The following GLB1 variants were observed in gnomAD, a reference collection of about 807,000 sequenced individuals.
GLB1 encodes galactosidase beta 1, also known as beta-galactosidase.
A neutral mutation model predicts 74.0 loss-of-function variants in GLB1; 56 were observed. The ratio of observed to expected loss-of-function variants is 0.76; its 90% CI spans 0.61 to 0.94. The LOEUF is 0.94. Among genes scored for constraint, GLB1 ranks in the 40% least tolerant of loss-of-function variants. GLB1 has a pLI of 0.00. For missense variants in GLB1, 787 were observed against 845.5 expected (o/e 0.93, Z 0.86); for synonymous variants, 323 against 323.6 (o/e 1.00, Z 0.02).
intron 1 of GLB1, chr3:33,090,387 AC>A: frequency 1.0e-6 from 1 of 985,398 alleles, no homozygotes; most frequent in Middle Eastern, 5.2e-4. Context: ...AACAAACCAA[AC>A]AAAACACGAG....
At chr3:32,968,405 C>A in the GLB1 span, among the ~76,000 whole-genome samples, 1 of 152,200 alleles carries the variant, frequency 6.6e-6, no homozygotes, top group East Asian at 1.9e-4. Context: ...CCCAAGACCC[C>A]CTGCACCTGC....
chr3:33,045,860 A>G, intron 10 of GLB1: 1 of 884,870 alleles, frequency 1.1e-6, no homozygotes, highest in Non-Finnish European at 1.5e-6. Flanking sequence ...GTGAATCTGT[A>G]AGTAGCATTT....
chr3:32,973,393 G>C, the GLB1 span, among the ~76,000 whole-genome samples: 20 of 152,138 alleles, frequency 1.3e-4, no homozygotes, highest in Admixed American at 4.6e-4. Context: ...GTGTGCAGTG[G>C]TGCAATCTTG....
At chr3:32,961,575 G>C in the GLB1 span, among the ~76,000 whole-genome samples, 1 of 152,206 alleles carries the variant, frequency 6.6e-6, no homozygotes, top group South Asian at 2.1e-4. Flanking sequence ...AGAGCCATCG[G>C]GTTGTGAAGA....
At chr3:33,034,036 T>C (rs1319207538) in intron 10 of GLB1, 1 of 546,626 alleles carries the variant, frequency 1.8e-6, no homozygotes, top group African/African-American at 1.9e-5. Context: ...GTCATGAGAG[T>C]CCTATGTGGC....
Position 32,997,098 on chromosome 3 carries a change from G to C in GLB1, c.1981C>G (p.Leu661Val). Residue 661 changes from leucine to valine, a missense_variant, in exon 16 of 16, where the codon CTC becomes GTC. By Grantham distance (32) the Leu-to-Val change is conservative. Transcript: ENST00000307363. Reference protein sequence around the residue: ...DHPSKPVEKRLMPPPPQKNKD... With the variant: ...DHPSKPVEKRVMPPPPQKNKD... The stretch of plus-strand genomic sequence containing the variant: ...TTTTTTTGCGGGGGTGGGGGCATGA[G>C]TCTTTTTTCAACAGGTTTGGAGGGA... 1 of 1,614,142 alleles carries C rather than the reference G, an allele frequency of 6.2e-7. No individual in the cohort carries two copies. Among genetic ancestry groups the C allele is most frequent in the South Asian group, 1.1e-5 (1 of 91,084 alleles).
At chr3:32,974,774 T>C in the GLB1 span, among the ~76,000 whole-genome samples, 1 of 152,192 alleles carries the variant, frequency 6.6e-6, no homozygotes. Context: ...AGGAGTCCCC[T>C]CTTACTTACG....
chr3:33,041,216 G>A (rs1698484839), intron 10 of GLB1, among the ~76,000 whole-genome samples: 1 of 152,140 alleles, frequency 6.6e-6, no homozygotes. Context: ...AAACTATACA[G>A]CGTCAAATAT....
chr3:33,091,446 C>T (rs1700758584), intron 1 of GLB1: 8 of 985,556 alleles, frequency 8.1e-6, no homozygotes, highest in Non-Finnish European at 9.6e-6. Flanking sequence ...AGGCAGCTCG[C>T]TACCCACTCA....
the GLB1 span, among the ~76,000 whole-genome samples, chr3:32,986,649 G>A: frequency 6.6e-6 from 1 of 150,916 alleles, no homozygotes; most frequent in African/African-American, 2.4e-5. Flanking sequence ...GGAGTACAGT[G>A]GCATGATCTC....
At chr3:32,981,657 T>C in the GLB1 span, among the ~76,000 whole-genome samples, 16,255 of 150,968 alleles carry the variant, frequency 0.11, 1,111 homozygotes, top group African/African-American at 0.2. Context: ...GTGTGTAATC[T>C]CAGCTACTCG....
At chr3:33,012,455 C>A (rs58581812) in intron 15 of GLB1, among the ~76,000 whole-genome samples, 7,612 of 152,148 alleles carry the variant, frequency 0.05, 228 homozygotes, top group Admixed American at 0.065. Context: ...CTCCTTTGCC[C>A]CTTCAGCCAT....
the GLB1 span, among the ~76,000 whole-genome samples, chr3:32,979,079 C>T: frequency 6.6e-6 from 1 of 151,286 alleles, no homozygotes; most frequent in East Asian, 1.9e-4. Context: ...TGGGTTCAAG[C>T]GATTCACCTG....
chr3:33,051,233 C>CAGAAAAA (rs1553610268), intron 9 of GLB1, among the ~76,000 whole-genome samples: 1 of 76,412 alleles, frequency 1.3e-5, no homozygotes, highest in Non-Finnish European at 2.4e-5. Flanking sequence ...GACTGCGTCT[C>CAGAAAAA]AAAAAAAAAA....
intron 4 of GLB1, among the ~76,000 whole-genome samples, chr3:33,067,457 T>TTTTTAAATA (rs1220796334): frequency 3.0e-3 from 2 of 672 alleles, no homozygotes; most frequent in Non-Finnish European, 0.1. Flanking sequence ...ACCTGGCTAA[T>TTTTTAAATA]TTTTATAGAG....
chr3:33,092,856 A>G lies in GLB1; in HGVS notation c.75+4155T>C, dbSNP rs1350547954. On this transcript the variant is annotated intron_variant, in intron 1 of 15. Coordinates refer to ENST00000307363, the MANE Select transcript of GLB1 (RefSeq NM_000404.4). Reference sequence around the variant, plus strand: ...AGTTCAGGGAGACCGCTGCAGGATGAGCTCTGTGATCTCGGCCCTGCTACC... The same window carrying G: ...AGTTCAGGGAGACCGCTGCAGGATGGGCTCTGTGATCTCGGCCCTGCTACC... 5.0e-6 allele frequency: 8 copies of G among 1,608,562 alleles called. No homozygotes were observed. The South Asian group carries it at 8.9e-5, about 18-fold the overall frequency.
downstream of GLB1, among the ~76,000 whole-genome samples, chr3:32,996,208 C>T (rs1387391588): frequency 1.3e-5 from 2 of 152,210 alleles, no homozygotes. Context: ...AGAGCTACTG[C>T]TCCATGTCAG....
At chr3:33,091,826 C>G in intron 1 of GLB1, 1 of 985,440 alleles carries the variant, frequency 1.0e-6, no homozygotes, top group Non-Finnish European at 1.2e-6. Flanking sequence ...CCAGCCCAGC[C>G]CTGTCTTCTC....
chr3:33,085,820 T>A (rs555232174), intron 1 of GLB1, among the ~76,000 whole-genome samples: 2 of 151,410 alleles, frequency 1.3e-5, no homozygotes, highest in Non-Finnish European at 2.9e-5. Flanking sequence ...GGTTCACACC[T>A]GTAATCCCAG....
Sources: allele counts gnomAD v4.1 joint callset (sites outside exome capture counted in the v4.1 genomes callset), GRCh38; gene constraint gnomAD v4.1.1; transcripts MANE v1.5; gene names NCBI Gene and HGNC (gene_info 2026-07-23, HGNC 2026-07-21).